The following CHCHD6 variants were observed in gnomAD, a reference collection of about 807,000 sequenced individuals.
The protein encoded by CHCHD6 is coiled-coil-helix-coiled-coil-helix domain containing 6.
Under a neutral mutation model 32.3 loss-of-function variants are expected in CHCHD6, and 28 were observed. That is an observed-to-expected ratio of 0.87 (90% confidence interval 0.64 to 1.19). CHCHD6 has a LOEUF of 1.19. CHCHD6 is among the 50% of genes most tolerant of loss of function. CHCHD6 has a pLI of 0.00. For missense variants in CHCHD6, 333 were observed against 307.0 expected (o/e 1.08, Z -0.63); for synonymous variants, 122 against 117.5 (o/e 1.04, Z -0.25).
At chr3:126,812,048 ACTCAGGCCCT>A (rs1939677308) in intron 4 of CHCHD6, among the ~76,000 whole-genome samples, 2 of 151,382 alleles carry the variant, frequency 1.3e-5, no homozygotes, top group East Asian at 3.9e-4. Context: ...AAGAGGAAAA[ACTCAGGCCCT>A]CTCATAAAGT....
chr3:126,733,070 C>T lies in CHCHD6; in HGVS notation c.267-8C>T. On this transcript the variant is annotated splice_region_variant and splice_polypyrimidine_tract_variant and intron_variant, in intron 3 of 7. Transcript: ENST00000290913. ...ACATCTGTTTCTCCTCATGTTTCTT[C>T]TGCACAGGTATGAACAGGAGCATGC... 1 of 1,614,010 alleles carries T rather than the reference C, an allele frequency of 6.2e-7. No individual in the cohort carries two copies. Among genetic ancestry groups the T allele is most frequent in the South Asian group, 1.1e-5 (1 of 91,076 alleles).
rs559646221 is a variant in CHCHD6, at chr3:126,729,990, G to A, written c.197-571G>A. Among the ~76,000 whole-genome samples the A allele has an allele frequency of 3.3e-5, 5 of 152,214 alleles. No individual in the cohort carries two copies. In the South Asian group the frequency reaches 6.2e-4, roughly 19 times the overall value. On this transcript the variant is annotated intron_variant, in intron 2 of 7. Transcript: ENST00000290913. ...GATTTGCTCAGAAATCCCGAAATTC[G>A]TGATGATCAAAAGGGACCTACTGTA...
chr3:126,721,349 G>A (rs1232252104), intron 1 of CHCHD6, among the ~76,000 whole-genome samples: 3 of 152,128 alleles, frequency 2.0e-5, no homozygotes, highest in South Asian at 2.1e-4. Context: ...CCTCTTCCCC[G>A]GTGCCCTGCC....
At chr3:126,837,451 G>A (rs573703597) in intron 4 of CHCHD6, among the ~76,000 whole-genome samples, 17 of 152,218 alleles carry the variant, frequency 1.1e-4, no homozygotes, top group African/African-American at 3.9e-4. Flanking sequence ...CAAGCTACTC[G>A]GGAGGCTGAA....
chr3:126,788,869 G>T (rs1285985868), intron 4 of CHCHD6, among the ~76,000 whole-genome samples: 1 of 152,092 alleles, frequency 6.6e-6, no homozygotes, highest in Non-Finnish European at 1.5e-5. Context: ...GCTAGCTTTT[G>T]AATGTGTTTG....
chr3:126,861,324 T>C (rs1941853517), intron 5 of CHCHD6, among the ~76,000 whole-genome samples: 1 of 151,990 alleles, frequency 6.6e-6, no homozygotes, highest in Non-Finnish European at 1.5e-5. Flanking sequence ...TCCCAACGTG[T>C]GTACTAACCG....
intron 1 of CHCHD6, among the ~76,000 whole-genome samples, chr3:126,719,017 G>A (rs187767233): frequency 2.9e-4 from 44 of 152,250 alleles, no homozygotes; most frequent in Admixed American, 1.2e-3. Flanking sequence ...CCTGCCCCCT[G>A]GGGTTGCAGC....
At chr3:126,729,329 C>T (rs1381795187) in intron 2 of CHCHD6, among the ~76,000 whole-genome samples, 1 of 152,088 alleles carries the variant, frequency 6.6e-6, no homozygotes, top group Non-Finnish European at 1.5e-5. Flanking sequence ...ACAGGATCTC[C>T]ACGTCACTAA....
intron 4 of CHCHD6, among the ~76,000 whole-genome samples, chr3:126,820,598 A>G (rs1233898553): frequency 1.3e-5 from 2 of 152,218 alleles, no homozygotes. Context: ...TGACTATACC[A>G]CAATTTATAA....
chr3:126,769,426 T>C (rs1430278254), intron 4 of CHCHD6, among the ~76,000 whole-genome samples: 2 of 152,200 alleles, frequency 1.3e-5, no homozygotes, highest in South Asian at 2.1e-4. Flanking sequence ...AGCCCTGTAG[T>C]ATAGTTTGAA....
intron 4 of CHCHD6, among the ~76,000 whole-genome samples, chr3:126,804,765 C>G (rs867839592): frequency 6.6e-6 from 1 of 152,052 alleles, no homozygotes; most frequent in Non-Finnish European, 1.5e-5. Flanking sequence ...AATTTTAGAC[C>G]AATATCCTTG....
At chr3:126,948,611 A>C (rs1559938635) in intron 6 of CHCHD6, among the ~76,000 whole-genome samples, 1 of 152,146 alleles carries the variant, frequency 6.6e-6, no homozygotes, top group Non-Finnish European at 1.5e-5. Context: ...CATGAATTTG[A>C]GGGGATCATC....
intron 6 of CHCHD6, among the ~76,000 whole-genome samples, chr3:126,946,849 C>T (rs1025796898): frequency 6.6e-6 from 1 of 152,192 alleles, no homozygotes; most frequent in Non-Finnish European, 1.5e-5. Flanking sequence ...TGTATTCACC[C>T]CCCTGCTGAT....
chr3:126,917,219 G>T (rs1358372504), intron 6 of CHCHD6, among the ~76,000 whole-genome samples: 1 of 152,208 alleles, frequency 6.6e-6, no homozygotes, highest in Non-Finnish European at 1.5e-5. Context: ...TACTCTGCAA[G>T]GCGTTTCAAC....
At chr3:126,872,118 CAT>C (rs1490435330) in intron 5 of CHCHD6, among the ~76,000 whole-genome samples, 3 of 152,166 alleles carry the variant, frequency 2.0e-5, no homozygotes, top group African/African-American at 7.2e-5. Flanking sequence ...CATCTGGAGA[CAT>C]ATTTGGTTGT....
intron 5 of CHCHD6, among the ~76,000 whole-genome samples, chr3:126,885,535 AT>A (rs1404067953): frequency 6.6e-6 from 1 of 152,198 alleles, no homozygotes; most frequent in Non-Finnish European, 1.5e-5. Flanking sequence ...CGTTTGAAAA[AT>A]GTTTTGTGTA....
At chr3:126,887,644 C>T (rs572285770) in intron 5 of CHCHD6, among the ~76,000 whole-genome samples, 6 of 152,274 alleles carry the variant, frequency 3.9e-5, no homozygotes, top group East Asian at 1.9e-4. Flanking sequence ...CTATTCCCAT[C>T]GGCCTTCTGT....
chr3:126,807,366 T>G (rs1411348971), intron 4 of CHCHD6, among the ~76,000 whole-genome samples: 1 of 151,234 alleles, frequency 6.6e-6, no homozygotes, highest in Non-Finnish European at 1.5e-5. Context: ...AAAATAAGAG[T>G]AGGGAACTGG....
intron 5 of CHCHD6, among the ~76,000 whole-genome samples, chr3:126,903,271 G>A (rs1455303784): frequency 2.0e-5 from 3 of 152,198 alleles, no homozygotes; most frequent in Non-Finnish European, 4.4e-5. Flanking sequence ...CACAATGTCT[G>A]TAGATCTGAT....
Sources: allele counts gnomAD v4.1 joint callset (sites outside exome capture counted in the v4.1 genomes callset), GRCh38; gene constraint gnomAD v4.1.1; transcripts MANE v1.5; gene names NCBI Gene and HGNC (gene_info 2026-07-23, HGNC 2026-07-21).